The following NFIA variants were observed in gnomAD, a reference collection of about 807,000 sequenced individuals.
NFIA encodes nuclear factor 1 A-type.
In NFIA, 8 loss-of-function variants were observed where a neutral mutation model predicts 62.8. The observed-to-expected ratio is 0.13, with a 90% CI of 0.07 to 0.23. The LOEUF is 0.23. Among genes scored for constraint, NFIA ranks in the 10% least tolerant of loss-of-function variants. The pLI is 1.00. For synonymous variants in NFIA, 235 were observed against 238.1 expected (o/e 0.99, Z 0.12); for missense variants, 410 against 642.1 (o/e 0.64, Z 3.91).
chr1:61,365,747 GT>G (rs1377083969), intron 6 of NFIA, among the ~76,000 whole-genome samples: 1 of 152,218 alleles, frequency 6.6e-6, no homozygotes, highest in Non-Finnish European at 1.5e-5. Flanking sequence ...GTCACTACCT[GT>G]AAGGTGGGAA....
intron 7 of NFIA, among the ~76,000 whole-genome samples, chr1:61,398,613 G>A (rs72913897): frequency 0.016 from 2,435 of 152,200 alleles, 56 homozygotes; most frequent in African/African-American, 0.056. Context: ...GTGCATCTTC[G>A]TGATGTTAAA....
At chr1:61,349,616 C>T (rs1662439713) in intron 4 of NFIA, among the ~76,000 whole-genome samples, 1 of 152,036 alleles carries the variant, frequency 6.6e-6, no homozygotes, top group African/African-American at 2.4e-5. Flanking sequence ...CTCCATTGCC[C>T]AGGCTGGAGT....
chr1:61,266,103 C>CCTAA (rs771584222), intron 2 of NFIA, among the ~76,000 whole-genome samples: 47 of 152,250 alleles, frequency 3.1e-4, no homozygotes, highest in Non-Finnish European at 5.1e-4. Flanking sequence ...TTGCTGAACA[C>CCTAA]CTAACCCTCA....
At chr1:61,157,414 G>T (rs1286813649) in intron 2 of NFIA, among the ~76,000 whole-genome samples, 1 of 151,922 alleles carries the variant, frequency 6.6e-6, no homozygotes, top group African/African-American at 2.4e-5. Flanking sequence ...AATGTCAATA[G>T]AGGAAGAAAA....
chr1:61,455,342 C>G lies in NFIA; in HGVS notation c.*22C>G. 1.2e-6 allele frequency: 2 copies of G among 1,614,134 alleles called. No individual in the cohort carries two copies. The highest frequency in any genetic ancestry group is 1.7e-6 in the Non-Finnish European group (2 of 1,179,998). ...ATAAAAGTTGCAGCGTCCCACCATCCACCAGACAGACCACCTGACCCCTTC... is the reference window on the plus strand; with the variant it reads ...ATAAAAGTTGCAGCGTCCCACCATCGACCAGACAGACCACCTGACCCCTTC... On this transcript the variant is annotated 3_prime_UTR_variant, in exon 11 of 11. Coordinates refer to ENST00000403491, the MANE Select transcript of NFIA (RefSeq NM_001134673.4).
chr1:61,226,127 A>G (rs1313089771), intron 2 of NFIA, among the ~76,000 whole-genome samples: 1 of 152,212 alleles, frequency 6.6e-6, no homozygotes, highest in African/African-American at 2.4e-5. Flanking sequence ...TATTTGTGTA[A>G]TATTTAATGT....
chr1:61,141,074 C>T (rs186165371), intron 2 of NFIA, among the ~76,000 whole-genome samples: 4 of 145,068 alleles, frequency 2.8e-5, no homozygotes, highest in South Asian at 2.2e-4. Flanking sequence ...TATTATGTGA[C>T]GGGCAGTTGA....
At chr1:61,098,894 A>T (rs1021958506) in intron 2 of NFIA, among the ~76,000 whole-genome samples, 3 of 152,218 alleles carry the variant, frequency 2.0e-5, no homozygotes, top group African/African-American at 7.2e-5. Flanking sequence ...CAGGATATGT[A>T]GTAATACACA....
At chr1:61,175,843 A>G (rs1317563396) in intron 2 of NFIA, among the ~76,000 whole-genome samples, 1 of 152,190 alleles carries the variant, frequency 6.6e-6, no homozygotes, top group African/African-American at 2.4e-5. Flanking sequence ...TTTTTTTGAC[A>G]CCTACTCTGT....
intron 5 of NFIA, among the ~76,000 whole-genome samples, chr1:61,355,959 C>G (rs1206841817): frequency 6.6e-6 from 1 of 152,148 alleles, no homozygotes; most frequent in African/African-American, 2.4e-5. Context: ...AATCTTTCAA[C>G]TCTAGGATTT....
At chr1:61,218,292 G>C (rs1272103948) in intron 2 of NFIA, among the ~76,000 whole-genome samples, 1 of 152,174 alleles carries the variant, frequency 6.6e-6, no homozygotes, top group Non-Finnish European at 1.5e-5. Context: ...TGGAAATGGG[G>C]GTTCTTCACC....
At chr1:61,126,785 T>TCC (rs1557583642) in intron 2 of NFIA, among the ~76,000 whole-genome samples, 14 of 142,576 alleles carry the variant, frequency 9.8e-5, no homozygotes, top group East Asian at 4.1e-4. Flanking sequence ...TCCTTTTTTT[T>TCC]TTTTTTTTTT....
At chr1:61,125,449 G>T (rs1646951949) in intron 2 of NFIA, among the ~76,000 whole-genome samples, 1 of 152,158 alleles carries the variant, frequency 6.6e-6, no homozygotes, top group African/African-American at 2.4e-5. Flanking sequence ...GCTGATAAAA[G>T]AATTCGATAA....
intron 2 of NFIA, among the ~76,000 whole-genome samples, chr1:61,216,328 C>A (rs531904897): frequency 6.6e-6 from 1 of 151,934 alleles, no homozygotes; most frequent in Admixed American, 6.5e-5. Context: ...CTGTGGGTTT[C>A]AATTTTTATC....
chr1:61,348,482 G>C (rs750919444), intron 4 of NFIA, among the ~76,000 whole-genome samples: 18 of 152,162 alleles, frequency 1.2e-4, no homozygotes, highest in Non-Finnish European at 4.4e-5. Flanking sequence ...AGGCCACCTG[G>C]TGCCATTTGC....
intron 2 of NFIA, among the ~76,000 whole-genome samples, chr1:61,204,514 G>T (rs1156560193): frequency 2.0e-5 from 3 of 152,024 alleles, no homozygotes; most frequent in Non-Finnish European, 4.4e-5. Context: ...TTAAGAAACA[G>T]CCTTTTCTAT....
chr1:61,259,430 C>CA (rs1371858260), intron 2 of NFIA, among the ~76,000 whole-genome samples: 2 of 152,164 alleles, frequency 1.3e-5, no homozygotes, highest in African/African-American at 2.4e-5. Flanking sequence ...TTCATTTAGG[C>CA]AAGTACGAGC....
intron 2 of NFIA, among the ~76,000 whole-genome samples, chr1:61,252,890 G>T (rs375740136): frequency 1.6e-4 from 24 of 152,146 alleles, no homozygotes; most frequent in African/African-American, 5.8e-4. Flanking sequence ...ATTCTATTTT[G>T]TATTCCTACT....
intron 2 of NFIA, among the ~76,000 whole-genome samples, chr1:61,200,573 G>A (rs977004338): frequency 3.3e-5 from 5 of 152,050 alleles, no homozygotes; most frequent in African/African-American, 1.2e-4. Context: ...ATAAAATGAT[G>A]TATACATTCT....
Sources: allele counts gnomAD v4.1 joint callset (sites outside exome capture counted in the v4.1 genomes callset), GRCh38; gene constraint gnomAD v4.1.1; transcripts MANE v1.5; gene names NCBI Gene and HGNC (gene_info 2026-07-23, HGNC 2026-07-21).